SNX29: variants seen among roughly 807,000 people sequenced by gnomAD.
SNX29 encodes the protein sorting nexin 29.
SNX29 carries 78 observed loss-of-function variants against 102.1 expected under a neutral mutation model. The observed-to-expected ratio is 0.76, with a 90% CI of 0.64 to 0.92. SNX29 has a LOEUF of 0.92. Ranked by LOEUF, SNX29 falls within the 40% of genes least tolerant of loss-of-function variation. The pLI is 0.00. For synonymous variants in SNX29, 580 were observed against 414.5 expected, an observed-to-expected ratio of 1.40 and a Z score of -4.85; for missense variants, 1,280 against 1,061.7, an observed-to-expected ratio of 1.21 and a Z score of -2.86.
chr16:12,565,231 T>G (rs1214373109), intron 20 of SNX29, among the ~76,000 whole-genome samples: 4 of 152,208 alleles, frequency 2.6e-5, no homozygotes, highest in Admixed American at 2.6e-4. Context: ...AGTATTAGGC[T>G]GTTCTCAATC....
intron 13 of SNX29, among the ~76,000 whole-genome samples, chr16:12,161,685 C>T (rs1366232106): frequency 6.6e-6 from 1 of 152,172 alleles, no homozygotes; most frequent in African/African-American, 2.4e-5. Flanking sequence ...CACACTCCCC[C>T]TTGGTCATGA....
chr16:12,153,846 G>A (rs1171146165), intron 13 of SNX29, among the ~76,000 whole-genome samples: 6 of 152,034 alleles, frequency 3.9e-5, no homozygotes, highest in Non-Finnish European at 5.9e-5. Flanking sequence ...GTAGCAAGCC[G>A]GTGTGACAGG....
At chr16:12,048,238 G>A (rs1398700055) in intron 6 of SNX29, 134 bp from the exon 7 acceptor site, 1 of 1,289,650 alleles carries the variant, frequency 7.8e-7, no homozygotes, top group African/African-American at 1.5e-5. Context: ...ACGTCCGCAT[G>A]GGAGGTATTT....
chr16:12,274,666 A>G (rs758446590), intron 14 of SNX29, among the ~76,000 whole-genome samples: 1 of 151,492 alleles, frequency 6.6e-6, no homozygotes, highest in African/African-American at 2.4e-5. Flanking sequence ...CCTCCCGAGT[A>G]CCTGGGACTA....
Position 12,189,868 on chromosome 16 carries a change from T to G in SNX29, c.1596-9733T>G, listed in dbSNP as rs76526503. 2.0e-3 allele frequency among the ~76,000 whole-genome samples: 307 copies of G among 152,206 alleles called. 1 individual carries two copies. The highest frequency in any genetic ancestry group is 3.9e-3 in the South Asian group (19 of 4,812). ...TCCCATTTATCAGTGGGAACTTTTA[T>G]GAGCTGGCTTCTGTGTCCTTTTAAA... On this transcript the variant is annotated intron_variant, in intron 13 of 20. Transcript: ENST00000566228.
chr16:12,447,842 C>G (rs1359168944), intron 18 of SNX29, among the ~76,000 whole-genome samples: 2 of 152,228 alleles, frequency 1.3e-5, no homozygotes, highest in Admixed American at 6.5e-5. Context: ...TCCCTGTACC[C>G]TGCCCCTCTC....
chr16:12,209,587 C>T (rs1170458372), intron 14 of SNX29, among the ~76,000 whole-genome samples: 7 of 152,174 alleles, frequency 4.6e-5, no homozygotes, highest in African/African-American at 1.4e-4. Context: ...TGGGGCTCAA[C>T]GGCTCCATGG....
chr16:12,468,719 A>G (rs932589464), intron 18 of SNX29, among the ~76,000 whole-genome samples: 2 of 152,160 alleles, frequency 1.3e-5, no homozygotes, highest in African/African-American at 4.8e-5. Context: ...TTGGTATACA[A>G]CAGGCCACCT....
intron 14 of SNX29, among the ~76,000 whole-genome samples, chr16:12,205,015 G>C (rs2077009659): frequency 6.6e-6 from 1 of 152,150 alleles, no homozygotes; most frequent in African/African-American, 2.4e-5. Context: ...CCACACCTGC[G>C]TGTGTTTTGT....
At chr16:12,488,742 T>TA (rs1326801694) in intron 19 of SNX29, among the ~76,000 whole-genome samples, 1 of 152,148 alleles carries the variant, frequency 6.6e-6, no homozygotes, top group African/African-American at 2.4e-5. Context: ...GACCAGCTGA[T>TA]ACTTGCAGGA....
chr16:12,035,362 C>G (rs1014463508), intron 4 of SNX29, among the ~76,000 whole-genome samples: 6 of 152,096 alleles, frequency 3.9e-5, no homozygotes, highest in African/African-American at 1.4e-4. Flanking sequence ...CACATGCACG[C>G]CACCATGCCT....
At chr16:12,547,466 G>C (rs1269377791) in intron 20 of SNX29, among the ~76,000 whole-genome samples, 1 of 152,114 alleles carries the variant, frequency 6.6e-6, no homozygotes, top group Non-Finnish European at 1.5e-5. Context: ...GCCTGGGAAG[G>C]GGTATTCTCA....
intron 20 of SNX29, among the ~76,000 whole-genome samples, chr16:12,540,541 G>A (rs141685994): frequency 1.9e-3 from 296 of 152,348 alleles, no homozygotes; most frequent in African/African-American, 6.5e-3. Flanking sequence ...GCGGCTTCCT[G>A]GCAGCCACCC....
At chr16:12,341,090 G>A (rs2081598311) in intron 15 of SNX29, among the ~76,000 whole-genome samples, 1 of 152,200 alleles carries the variant, frequency 6.6e-6, no homozygotes, top group Non-Finnish European at 1.5e-5. Context: ...CTGGCCTGTG[G>A]AACGCATCCA....
chr16:12,215,167 AT>A (rs1460137402), intron 14 of SNX29, among the ~76,000 whole-genome samples: 2 of 152,160 alleles, frequency 1.3e-5, no homozygotes, highest in East Asian at 1.9e-4. Flanking sequence ...GGGTACTATT[AT>A]CCCCATTTAC....
intron 11 of SNX29, among the ~76,000 whole-genome samples, chr16:12,120,374 G>C (rs2053921661): frequency 6.6e-6 from 1 of 152,248 alleles, no homozygotes; most frequent in African/African-American, 2.4e-5. Flanking sequence ...TATAAAGCCA[G>C]GGAGTTATTG....
intron 19 of SNX29, among the ~76,000 whole-genome samples, chr16:12,517,279 A>C (rs1049803421): frequency 6.6e-6 from 1 of 152,144 alleles, no homozygotes; most frequent in Non-Finnish European, 1.5e-5. Context: ...CAGAAAACTC[A>C]CAGATCCCTC....
chr16:12,452,773 G>A (rs571935351), intron 18 of SNX29, among the ~76,000 whole-genome samples: 31 of 152,228 alleles, frequency 2.0e-4, no homozygotes, highest in Non-Finnish European at 2.9e-4. Context: ...TGAAGGTGTC[G>A]GCAGGCATGG....
intron 18 of SNX29, chr16:12,443,250 C>G (rs916504288): frequency 6.8e-6 from 2 of 294,938 alleles, no homozygotes; most frequent in Non-Finnish European, 1.4e-5. Flanking sequence ...AGCAGGGTCA[C>G]CTGTGTGCTA....
Sources: allele counts gnomAD v4.1 joint callset (sites outside exome capture counted in the v4.1 genomes callset), GRCh38; gene constraint gnomAD v4.1.1; transcripts MANE v1.5; gene names NCBI Gene and HGNC (gene_info 2026-07-23, HGNC 2026-07-21).